The following CFAP54 variants were observed in gnomAD, a reference collection of about 807,000 sequenced individuals.
CFAP54 encodes the protein cilia and flagella associated protein 54, also known as cilia- and flagella-associated protein 54.
Under a neutral mutation model 370.4 loss-of-function variants are expected in CFAP54, and 290 were observed. The observed-to-expected ratio is 0.78, with a 90% CI of 0.71 to 0.86. The LOEUF (loss-of-function observed/expected upper bound fraction) is 0.86, where lower values mean the gene tolerates loss of function less well. Ranked by LOEUF, CFAP54 falls within the 40% of genes least tolerant of loss-of-function variation. The pLI is 0.00. For synonymous variants in CFAP54, 1,206 were observed against 1,236.5 expected (o/e 0.98, Z 0.52); for missense variants, 3,399 against 3,528.7 (o/e 0.96, Z 0.93).
At chr12:96,587,402 C>T (rs1048809432) in intron 22 of CFAP54, among the ~76,000 whole-genome samples, 3 of 152,146 alleles carry the variant, frequency 2.0e-5, no homozygotes, top group East Asian at 1.9e-4. Context: ...GGAAGCCAAG[C>T]GAAGGTCAGG....
chr12:96,854,422 T>A (rs372064013), intron 66 of CFAP54, among the ~76,000 whole-genome samples: 102 of 152,202 alleles, frequency 6.7e-4, no homozygotes, highest in African/African-American at 2.3e-3. Context: ...CTGGTTGAAA[T>A]GATAATTGCC....
chr12:96,612,992 A>T (rs548381342), intron 26 of CFAP54, among the ~76,000 whole-genome samples: 7 of 152,314 alleles, frequency 4.6e-5, no homozygotes, highest in African/African-American at 1.2e-4. Flanking sequence ...GATATACAGG[A>T]ACTGAACTCA....
chr12:96,544,506 A>C (rs1955616868), intron 14 of CFAP54, among the ~76,000 whole-genome samples: 1 of 151,882 alleles, frequency 6.6e-6, no homozygotes. Context: ...ATAGAAACTG[A>C]AAATATACTC....
chr12:96,696,143 G>A (rs1957438012), intron 45 of CFAP54, among the ~76,000 whole-genome samples: 1 of 152,178 alleles, frequency 6.6e-6, no homozygotes, highest in Non-Finnish European at 1.5e-5. Context: ...TGAAAGATAG[G>A]TGAGAAAATA....
At chr12:96,518,555 G>A (rs1055723853) in intron 5 of CFAP54, among the ~76,000 whole-genome samples, 5 of 152,092 alleles carry the variant, frequency 3.3e-5, no homozygotes, top group African/African-American at 1.2e-4. Context: ...GTGTGGTGGT[G>A]CACACCTGTA....
At chr12:96,669,840 G>C (rs1157284453) in intron 39 of CFAP54, among the ~76,000 whole-genome samples, 1 of 152,140 alleles carries the variant, frequency 6.6e-6, no homozygotes, top group Non-Finnish European at 1.5e-5. Context: ...TCAATGTATT[G>C]GTGGTGGTTG....
At chr12:96,778,629 T>C (rs1958549281) in intron 60 of CFAP54, among the ~76,000 whole-genome samples, 1 of 152,202 alleles carries the variant, frequency 6.6e-6, no homozygotes, top group Admixed American at 6.5e-5. Context: ...TTTTAGCTCT[T>C]CTCTGATTTA....
At chr12:96,666,635 A>G (rs145200722) in intron 39 of CFAP54, among the ~76,000 whole-genome samples, 6 of 152,282 alleles carry the variant, frequency 3.9e-5, no homozygotes, top group Non-Finnish European at 7.4e-5. Context: ...CATGAGAACA[A>G]CATGGGAAAA....
intron 6 of CFAP54, 27 bp downstream of exon 6, chr12:96,519,098 T>C: frequency 6.7e-7 from 1 of 1,487,192 alleles, no homozygotes. Flanking sequence ...CTCTGAGGAG[T>C]CGAGTTTTTT....
At chr12:96,520,624 C>T (rs955799305) in intron 6 of CFAP54, among the ~76,000 whole-genome samples, 1 of 152,198 alleles carries the variant, frequency 6.6e-6, no homozygotes, top group Non-Finnish European at 1.5e-5. Flanking sequence ...CATTATGTGA[C>T]ACCTGGCTTG....
intron 22 of CFAP54, among the ~76,000 whole-genome samples, chr12:96,588,032 A>G (rs1445984763): frequency 6.6e-6 from 1 of 152,214 alleles, no homozygotes; most frequent in African/African-American, 2.4e-5. Flanking sequence ...AGCAATGCAC[A>G]TAAAGTGCTT....
intron 60 of CFAP54, among the ~76,000 whole-genome samples, chr12:96,766,932 G>A (rs540626271): frequency 6.6e-6 from 1 of 152,290 alleles, no homozygotes; most frequent in East Asian, 1.9e-4. Flanking sequence ...CTGTAGGTCG[G>A]GTTCAGGTGC....
chr12:96,741,910 G>A lies in CFAP54; in HGVS notation c.7072-529G>A, dbSNP rs188407982. 1.5e-3 allele frequency among the ~76,000 whole-genome samples: 222 copies of A among 152,290 alleles called. 1 individual carries two copies. The highest frequency in any genetic ancestry group is 5.0e-3 in the African/African-American group (207 of 41,564). On this transcript the variant is annotated intron_variant, in intron 51 of 67. Transcript: ENST00000524981. Reference sequence around the variant, plus strand: ...CCCACCTCCGTCAAAATATGACAGTGTTTAGGCAAGATAGTTAACCTTCCT... The same window carrying A: ...CCCACCTCCGTCAAAATATGACAGTATTTAGGCAAGATAGTTAACCTTCCT...
At chr12:96,758,671 T>C (rs1246397573) in intron 58 of CFAP54, among the ~76,000 whole-genome samples, 1 of 151,878 alleles carries the variant, frequency 6.6e-6, no homozygotes, top group Non-Finnish European at 1.5e-5. Context: ...TGAGAAGGGG[T>C]GATGTTTGAA....
intron 26 of CFAP54, among the ~76,000 whole-genome samples, chr12:96,603,549 G>T (rs2136447005): frequency 6.6e-6 from 1 of 152,328 alleles, no homozygotes; most frequent in Non-Finnish European, 1.5e-5. Context: ...CCTGCAGAGT[G>T]TTTTCCAACT....
chr12:96,575,462 A>G (rs915843073), intron 19 of CFAP54, among the ~76,000 whole-genome samples: 2 of 152,048 alleles, frequency 1.3e-5, no homozygotes, highest in Non-Finnish European at 2.9e-5. Flanking sequence ...GTGAAAGCGT[A>G]ATAATAATAA....
intron 27 of CFAP54, among the ~76,000 whole-genome samples, chr12:96,622,110 GT>G (rs905820772): frequency 6.6e-6 from 1 of 151,654 alleles, no homozygotes; most frequent in Non-Finnish European, 1.5e-5. Context: ...ACATGTCAGA[GT>G]TTTTTTACTT....
chr12:96,550,892 A>C (rs1434386833), intron 15 of CFAP54, among the ~76,000 whole-genome samples: 1 of 152,192 alleles, frequency 6.6e-6, no homozygotes, highest in Non-Finnish European at 1.5e-5. Context: ...GCTTGGGCAC[A>C]TGAAAGATGG....
At chr12:96,512,195 A>G (rs759234188) in intron 4 of CFAP54, among the ~76,000 whole-genome samples, 21 of 151,170 alleles carry the variant, frequency 1.4e-4, no homozygotes, top group Non-Finnish European at 2.8e-4. Context: ...AATTATTATG[A>G]GTTTCCTTGT....
Sources: allele counts gnomAD v4.1 joint callset (sites outside exome capture counted in the v4.1 genomes callset), GRCh38; gene constraint gnomAD v4.1.1; transcripts MANE v1.5; gene names NCBI Gene and HGNC (gene_info 2026-07-23, HGNC 2026-07-21).